AKAP10: variants seen among roughly 807,000 people sequenced by gnomAD.
The protein encoded by AKAP10 is A-kinase anchoring protein 10, also known as A-kinase anchor protein 10, mitochondrial.
A neutral mutation model predicts 80.8 loss-of-function variants in AKAP10; 24 were observed. The ratio of observed to expected loss-of-function variants is 0.30; its 90% confidence interval spans 0.22 to 0.42. AKAP10 has a LOEUF of 0.42. Among genes scored for constraint, AKAP10 ranks in the 10% least tolerant of loss-of-function variants. The pLI is 1.00. For synonymous variants in AKAP10, 291 were observed against 277.7 expected, an observed-to-expected ratio of 1.05 and a Z score of -0.48; for missense variants, 661 against 794.9, an observed-to-expected ratio of 0.83 and a Z score of 2.03.
chr17:19,971,611 C>T (rs2043499091), intron 1 of AKAP10, among the ~76,000 whole-genome samples: 4 of 152,080 alleles, frequency 2.6e-5, no homozygotes, highest in Admixed American at 2.6e-4. Context: ...CTAGTTCATT[C>T]ACGCAGCTCT....
intron 5 of AKAP10, among the ~76,000 whole-genome samples, chr17:19,945,286 C>T (rs1405674557): frequency 6.6e-6 from 1 of 152,010 alleles, no homozygotes; most frequent in Non-Finnish European, 1.5e-5. Flanking sequence ...AAACTGCTTC[C>T]TTTTTATCCA....
In AKAP10 at chr17:19,974,478, G is replaced by C. The variant is rs538301452; in HGVS notation, c.88+3114C>G. Among the ~76,000 whole-genome samples, 25 of 152,120 alleles carry C rather than the reference G, an allele frequency of 1.6e-4. No homozygotes were observed. The South Asian group carries it at 5.2e-3, about 32-fold the overall frequency. On this transcript the variant is annotated intron_variant, in intron 1 of 14. Coordinates refer to ENST00000225737, the MANE Select transcript of AKAP10 (RefSeq NM_007202.4). ...TCAAGACAATTCTTCTTCCAATGTG[G>C]CCTAGGGAAGCCAAAAGACTGGACA...
At chr17:19,964,866 G>T (rs534626954) in intron 2 of AKAP10, among the ~76,000 whole-genome samples, 2 of 152,188 alleles carry the variant, frequency 1.3e-5, no homozygotes, top group South Asian at 4.1e-4. Flanking sequence ...CTGCCCTCCA[G>T]CCTGGGCAAC....
At chr17:19,914,701 G>A (rs2042726937) in intron 12 of AKAP10, among the ~76,000 whole-genome samples, 1 of 151,362 alleles carries the variant, frequency 6.6e-6, no homozygotes, top group Non-Finnish European at 1.5e-5. Flanking sequence ...ATATACAAAG[G>A]ATTTTAGATC....
chr17:19,922,084 G>A (rs1195207914), intron 11 of AKAP10, among the ~76,000 whole-genome samples: 1 of 152,080 alleles, frequency 6.6e-6, no homozygotes, highest in East Asian at 1.9e-4. Context: ...TGAACAAAGA[G>A]GACATTAAAC....
At chr17:19,930,404 T>A (rs901199217) in intron 10 of AKAP10, among the ~76,000 whole-genome samples, 2 of 152,068 alleles carry the variant, frequency 1.3e-5, no homozygotes, top group Non-Finnish European at 2.9e-5. Context: ...TGGTTTAACA[T>A]ATGAAAGCAC....
At chr17:19,948,659 G>C (rs527997281) in intron 4 of AKAP10, among the ~76,000 whole-genome samples, 3 of 152,144 alleles carry the variant, frequency 2.0e-5, no homozygotes, top group Non-Finnish European at 4.4e-5. Context: ...GGGATAAAGG[G>C]AGGTTCTTAG....
Position 19,947,396 on chromosome 17 carries a change from G to T in AKAP10, c.976+11C>A. On this transcript the variant is annotated intron_variant, in intron 5 of 14. Coordinates refer to ENST00000225737, the MANE Select transcript of AKAP10 (RefSeq NM_007202.4). The stretch of plus-strand genomic sequence containing the variant: ...CATTTTTTTTTTGCCATAGTTTCAA[G>T]CACTGCTTACCTATGATGTCATTTC... The T allele has an allele frequency of 6.4e-7, 1 of 1,574,202 alleles. No individual in the cohort carries two copies. Among genetic ancestry groups the T allele is most frequent in the Non-Finnish European group, 8.7e-7 (1 of 1,148,136 alleles).
intron 11 of AKAP10, among the ~76,000 whole-genome samples, chr17:19,921,174 CT>C (rs939131979): frequency 1.3e-3 from 181 of 144,166 alleles, no homozygotes; most frequent in Admixed American, 1.5e-3. Flanking sequence ...CTGAAGTATT[CT>C]TTTTTTTTTT....
chr17:19,949,933 G>A, intron 4 of AKAP10, among the ~76,000 whole-genome samples: 1 of 152,052 alleles, frequency 6.6e-6, no homozygotes, highest in Non-Finnish European at 1.5e-5. Context: ...ACTGTGAAAA[G>A]TATGTATATT....
chr17:19,954,577 C>T (rs531629679), intron 4 of AKAP10, among the ~76,000 whole-genome samples: 107 of 151,574 alleles, frequency 7.1e-4, no homozygotes, highest in African/African-American at 2.4e-3. Flanking sequence ...CTCCACCTCC[C>T]GGGTTCACAC....
intron 12 of AKAP10, among the ~76,000 whole-genome samples, chr17:19,916,797 C>T (rs1330517877): frequency 2.0e-5 from 3 of 151,194 alleles, no homozygotes; most frequent in Admixed American, 6.6e-5. Context: ...ATTAGCCGGG[C>T]GTGGTGGCGA....
chr17:19,964,976 T>C (rs2043399130), intron 2 of AKAP10, among the ~76,000 whole-genome samples: 1 of 152,228 alleles, frequency 6.6e-6, no homozygotes, highest in Admixed American at 6.5e-5. Context: ...ACATGGACTG[T>C]TTGCAACAGC....
chr17:19,941,908 T>C lies in AKAP10; in HGVS notation c.979A>G (p.Arg327Gly). ...TEAMRNDIIA[R>G]ICGEDGQVDP... is the part of the protein sequence containing the mutation. ...ACCTGTCCATCTTCTCCACAAATCC[T>C]TGCTGCAAAAGAAGTTGTAAATAAT... Residue 327 changes from arginine to glycine, a missense_variant and splice_region_variant, in exon 6 of 15, where the codon AGG becomes GGG. By Grantham distance (125) the Arg-to-Gly change is moderately radical (BLOSUM62 -2). Transcript: ENST00000225737. The C allele has an allele frequency of 1.2e-6, 2 of 1,609,696 alleles. No individual in the cohort carries two copies. Among genetic ancestry groups the C allele is most frequent in the Non-Finnish European group, 1.7e-6 (2 of 1,177,998 alleles).
rs77640043 is a variant in AKAP10 at position 19,942,669 on chromosome 17, A to T, written c.977-759T>A. Among the ~76,000 whole-genome samples, 407 of 152,326 alleles carry T rather than the reference A, an allele frequency of 2.7e-3. 15 individuals are homozygous for T. In the East Asian group the frequency reaches 0.074, roughly 28 times the overall value. ...AAACATGAAATGTGCTAAAATAAGG[A>T]ACTGCTAAAATAAACTGCAGCGAAA... On this transcript the variant is annotated intron_variant, in intron 5 of 14. Transcript: ENST00000225737.
intron 5 of AKAP10, among the ~76,000 whole-genome samples, chr17:19,944,416 C>A (rs1364350637): frequency 6.6e-6 from 1 of 152,028 alleles, no homozygotes; most frequent in Non-Finnish European, 1.5e-5. Context: ...CTTTGGGAGG[C>A]CAAGGTGAGT....
intron 5 of AKAP10, among the ~76,000 whole-genome samples, chr17:19,946,801 G>A (rs1032959965): frequency 2.0e-5 from 3 of 151,910 alleles, no homozygotes; most frequent in Non-Finnish European, 4.4e-5. Flanking sequence ...CACTGTGTGT[G>A]GCACAATCAA....
chr17:19,962,095 AAC>A (rs2043357060), intron 3 of AKAP10, among the ~76,000 whole-genome samples: 1 of 152,166 alleles, frequency 6.6e-6, no homozygotes, highest in East Asian at 1.9e-4. Flanking sequence ...CAGCCTGGGC[AAC>A]AGAGTAAAAC....
At chr17:19,912,936 A>C in intron 12 of AKAP10, among the ~76,000 whole-genome samples, 1 of 151,804 alleles carries the variant, frequency 6.6e-6, no homozygotes, top group East Asian at 1.9e-4. Flanking sequence ...GTGATTCCTA[A>C]CAAATCACAG....
Sources: gnomAD v4.1 joint callset for allele counts (sites outside exome capture counted in the v4.1 genomes callset) on GRCh38, gnomAD v4.1.1 for gene constraint, MANE v1.5 for transcripts, NCBI Gene and HGNC (gene_info 2026-07-23, HGNC 2026-07-21) for gene names.